The following DNAAF9 variants were observed in gnomAD, a reference collection of about 807,000 sequenced individuals.
The protein encoded by DNAAF9 is dynein axonemal assembly factor 9.
A neutral mutation model predicts 167.0 loss-of-function variants in DNAAF9; 90 were observed. The observed-to-expected ratio is 0.54, with a 90% CI of 0.45 to 0.64. The LOEUF (loss-of-function observed/expected upper bound fraction) is 0.64, where lower values mean the gene tolerates loss of function less well. DNAAF9 is among the 30% of genes least tolerant of loss of function. DNAAF9 has a pLI of 0.00. For missense variants in DNAAF9, 1,315 were observed against 1,442.2 expected, an observed-to-expected ratio of 0.91 and a Z score of 1.43; for synonymous variants, 491 against 508.8, an observed-to-expected ratio of 0.96 and a Z score of 0.47.
In DNAAF9 at chr20:3,249,828, T is replaced by C. The variant is rs1279438955; in HGVS notation, c.*2744A>G. The C allele has an allele frequency of 6.6e-6, 1 of 152,074 alleles. No homozygotes were observed. The highest frequency in any genetic ancestry group is 1.5e-5 in the Non-Finnish European group (1 of 68,012). The allele number at this position is 152,074 out of a possible 1,614,324, so 9.4% of individuals were successfully genotyped here. On this transcript the variant is annotated 3_prime_UTR_variant, in exon 37 of 37. Transcript: ENST00000252032. Reference sequence around the variant, plus strand: ...TCCTAATAGAATTTAGGAGGGAACTTTTTCTTGCGACCTGAAGGGCCCAGT... The same window carrying C: ...TCCTAATAGAATTTAGGAGGGAACTCTTTCTTGCGACCTGAAGGGCCCAGT...
chr20:3,249,469 CA>C lies in DNAAF9; in HGVS notation c.*3102del, dbSNP rs1183584913. On this transcript the variant is annotated 3_prime_UTR_variant, in exon 37 of 37. Transcript: ENST00000252032. Reference sequence around the variant, plus strand: ...GTAGTGTAATAAATACTATGATAAGCAAAAAGCTTCAATCGCACAATTCAGT... The same window carrying C: ...GTAGTGTAATAAATACTATGATAAGCAAAAGCTTCAATCGCACAATTCAGT... The C allele has an allele frequency of 2.6e-5, 4 of 152,162 alleles. No homozygotes were observed. Among genetic ancestry groups the C allele is most frequent in the African/African-American group, 9.7e-5 (4 of 41,436 alleles). 9.4% of individuals were successfully genotyped at this position (152,162 alleles called of 1,614,324 possible). A position where few individuals can be genotyped will look rare whatever the true frequency, so the allele number is the denominator to read the frequency against.
At chr20:3,366,292 A>G (rs886225277) in intron 6 of DNAAF9, among the ~76,000 whole-genome samples, 3 of 152,224 alleles carry the variant, frequency 2.0e-5, no homozygotes, top group African/African-American at 7.2e-5. Context: ...TGAAAACAAC[A>G]TTAATCCTCT....
At chr20:3,302,507 C>T (rs1175925879) in intron 21 of DNAAF9, among the ~76,000 whole-genome samples, 1 of 152,088 alleles carries the variant, frequency 6.6e-6, no homozygotes, top group Non-Finnish European at 1.5e-5. Flanking sequence ...TCGATCTACC[C>T]CTCCCCATCC....
At chr20:3,302,275 A>G (rs1040615703) in intron 21 of DNAAF9, among the ~76,000 whole-genome samples, 6 of 152,320 alleles carry the variant, frequency 3.9e-5, no homozygotes, top group African/African-American at 1.4e-4. Context: ...AATACATAAT[A>G]TGCACATATT....
chr20:3,262,496 G>A (rs1025134371), intron 31 of DNAAF9, among the ~76,000 whole-genome samples: 3 of 152,066 alleles, frequency 2.0e-5, no homozygotes, highest in African/African-American at 4.8e-5. Context: ...TGGTCCACCT[G>A]CCTTGGCCTC....
intron 12 of DNAAF9, among the ~76,000 whole-genome samples, chr20:3,329,429 G>A (rs2069779293): frequency 6.6e-6 from 1 of 152,192 alleles, no homozygotes; most frequent in Non-Finnish European, 1.5e-5. Flanking sequence ...AGAGTCCTGG[G>A]ATTTCAGGTG....
intron 16 of DNAAF9, 86 bp downstream of exon 16, chr20:3,322,131 G>A (rs1431052949): frequency 1.1e-6 from 1 of 933,452 alleles, no homozygotes; most frequent in Non-Finnish European, 1.7e-6. Flanking sequence ...GGCTGCCCAA[G>A]ACCCCCACCC....
At chr20:3,394,942 CTTTTTTCTTTTT>C (rs2083880456) in intron 1 of DNAAF9, among the ~76,000 whole-genome samples, 21 of 89,012 alleles carry the variant, frequency 2.4e-4, no homozygotes, top group South Asian at 7.4e-4. Context: ...TGAACATTTT[CTTTTTTCTTTTT>C]TTTTTTTTTT....
chr20:3,359,967 AATGGT>A (rs2083338870), intron 6 of DNAAF9: 1 of 157,764 alleles, frequency 6.3e-6, no homozygotes, highest in African/African-American at 2.4e-5. Context: ...TATAATAAAA[AATGGT>A]AATCCCCAAC....
At chr20:3,388,698 T>G (rs560835719) in intron 1 of DNAAF9, among the ~76,000 whole-genome samples, 5 of 152,178 alleles carry the variant, frequency 3.3e-5, no homozygotes, top group Non-Finnish European at 7.4e-5. Context: ...AAAGTACAAA[T>G]TCTGTATGAT....
chr20:3,295,905 G>A (rs1202839066), intron 23 of DNAAF9: 4 of 1,402,092 alleles, frequency 2.9e-6, no homozygotes, highest in African/African-American at 1.4e-5. Context: ...TCAATTGAAT[G>A]TTCTCTCAGT....
intron 33 of DNAAF9, among the ~76,000 whole-genome samples, chr20:3,257,186 A>G (rs1191661284): frequency 2.0e-5 from 3 of 152,148 alleles, no homozygotes; most frequent in African/African-American, 7.2e-5. Flanking sequence ...GCGAGGTTAA[A>G]TTTGAACAAA....
chr20:3,270,136 CTT>C (rs56942768), intron 30 of DNAAF9, among the ~76,000 whole-genome samples: 5 of 125,492 alleles, frequency 4.0e-5, no homozygotes, highest in Non-Finnish European at 3.2e-5. Context: ...GCCCAGCCTG[CTT>C]TTTTTTTTTT....
chr20:3,364,168 A>T (rs1054193619), intron 6 of DNAAF9, among the ~76,000 whole-genome samples: 1 of 152,144 alleles, frequency 6.6e-6, no homozygotes, highest in African/African-American at 2.4e-5. Context: ...TATGAAATGC[A>T]GTTGTAACAA....
At chr20:3,354,360 T>C (rs1294954542) in intron 7 of DNAAF9, among the ~76,000 whole-genome samples, 2 of 152,218 alleles carry the variant, frequency 1.3e-5, no homozygotes, top group South Asian at 2.1e-4. Context: ...AGAAGAAAGA[T>C]GCAACAGAGG....
chr20:3,299,284 A>G (rs1266956058), intron 21 of DNAAF9, among the ~76,000 whole-genome samples: 3 of 152,034 alleles, frequency 2.0e-5, no homozygotes, highest in Non-Finnish European at 4.4e-5. Flanking sequence ...TTGCACACGG[A>G]TATCTAGTTT....
At chr20:3,282,113 C>G (rs1424323021) in intron 27 of DNAAF9, among the ~76,000 whole-genome samples, 19 of 152,130 alleles carry the variant, frequency 1.2e-4, no homozygotes, top group Non-Finnish European at 1.2e-4. Context: ...CTGCCACTTG[C>G]TTATTTTCTT....
Position 3,324,919 on chromosome 20 carries a change from T to C in DNAAF9, c.1238A>G (p.Glu413Gly). ...CAGGGCTGCCTTAAACGGAATCAACTCAAAGGAATCTAACCCAGATCCCAG... is the reference window on the plus strand; with the variant it reads ...CAGGGCTGCCTTAAACGGAATCAACCCAAAGGAATCTAACCCAGATCCCAG... ...QTLGSGLDSFELIPFKAALRS... is the reference protein window; with the variant it reads ...QTLGSGLDSFGLIPFKAALRS... Residue 413 changes from glutamate to glycine, a missense_variant, in exon 14 of 37, where the codon GAG becomes GGG. Glu to Gly is a moderately conservative substitution (Grantham distance 98, BLOSUM62 -2). Transcript: ENST00000252032. The C allele has an allele frequency of 6.2e-7, 1 of 1,607,366 alleles. No homozygotes were observed. The highest frequency in any genetic ancestry group is 8.5e-7 in the Non-Finnish European group (1 of 1,173,854).
At chr20:3,386,304 T>G (rs539078045) in intron 1 of DNAAF9, among the ~76,000 whole-genome samples, 3 of 152,132 alleles carry the variant, frequency 2.0e-5, no homozygotes, top group Non-Finnish European at 2.9e-5. Context: ...ATGGAACAGA[T>G]AGAGTAACCA....
Sources: allele counts gnomAD v4.1 joint callset (sites outside exome capture counted in the v4.1 genomes callset), GRCh38; gene constraint gnomAD v4.1.1; transcripts MANE v1.5; gene names NCBI Gene and HGNC (gene_info 2026-07-23, HGNC 2026-07-21).